MTRR: variants seen among roughly 807,000 people sequenced by gnomAD.
MTRR encodes the protein 5-methyltetrahydrofolate-homocysteine methyltransferase reductase.
In MTRR, 63 loss-of-function variants were observed where a neutral mutation model predicts 79.2. The ratio of observed to expected loss-of-function variants is 0.80; its 90% CI spans 0.65 to 0.98. The LOEUF (loss-of-function observed/expected upper bound fraction) is 0.98. MTRR is among the 50% of genes least tolerant of loss of function. MTRR has a pLI of 0.00. For synonymous variants in MTRR, 355 were observed against 313.3 expected (o/e 1.13, Z -1.41); for missense variants, 895 against 839.6 (o/e 1.07, Z -0.82).
At chr5:7,874,646 C>T (rs553235881) in intron 3 of MTRR, among the ~76,000 whole-genome samples, 10 of 143,330 alleles carry the variant, frequency 7.0e-5, no homozygotes, top group Admixed American at 2.9e-4. Flanking sequence ...TTGATTTCCC[C>T]AACACAGAAA....
chr5:7,895,577 A>G (rs576681065), intron 11 of MTRR, among the ~76,000 whole-genome samples, 157 bp from the exon 12 acceptor site: 1 of 152,212 alleles, frequency 6.6e-6, no homozygotes, highest in Non-Finnish European at 1.5e-5. Context: ...GTAGTGACAA[A>G]TGTGCTCATG....
In MTRR at chr5:7,861,029, G is replaced by A. The variant is rs535531423; in HGVS notation, n.392-922G>A. On this transcript the variant is annotated intron_variant and non_coding_transcript_variant, in intron 1 of 3. Coordinates refer to the MTRR transcript ENST00000502509. ...TGTGCTGTCCAGTTCAATAATTGCTGCCTGATCAAATTCTTTAAAATTTTA... is the reference window on the plus strand; with the variant it reads ...TGTGCTGTCCAGTTCAATAATTGCTACCTGATCAAATTCTTTAAAATTTTA... 91 of 619,164 alleles carry A rather than the reference G, an allele frequency of 1.5e-4. No individual in the cohort carries two copies. The highest frequency in any genetic ancestry group is 2.3e-4 in the Non-Finnish European group (80 of 350,234). 38.4% of individuals were successfully genotyped at this position (619,164 alleles called of 1,614,324 possible). A position where few individuals can be genotyped will look rare whatever the true frequency, so the allele number is the denominator to read the frequency against.
upstream of MTRR, chr5:7,865,820 G>T: frequency 1.8e-6 from 2 of 1,084,114 alleles, no homozygotes; most frequent in Non-Finnish European, 2.8e-6. Context: ...AGGTTATTGA[G>T]ACAGATCAGA....
chr5:7,863,907 A>G (rs548004813), intron 2 of MTRR, among the ~76,000 whole-genome samples: 60 of 152,198 alleles, frequency 3.9e-4, no homozygotes, highest in African/African-American at 1.3e-3. Flanking sequence ...CTGGAGTACA[A>G]TGACGCGACC....
chr5:7,890,512 G>C, intron 9 of MTRR: 2 of 682,790 alleles, frequency 2.9e-6, no homozygotes, highest in Non-Finnish European at 3.6e-6. Flanking sequence ...ATGTTAGAAT[G>C]TTTGTAACAA....
chr5:7,854,191 C>T (rs67488024), intron 1 of MTRR, among the ~76,000 whole-genome samples: 22,014 of 151,718 alleles, frequency 0.15, 2,014 homozygotes, highest in Admixed American at 0.25. Flanking sequence ...AGTTCTGTGC[C>T]GGAGAAGGGG....
intron 1 of MTRR, 73 bp from the exon 2 acceptor site, chr5:7,870,697 T>C (rs1747804272): frequency 6.6e-7 from 1 of 1,510,878 alleles, no homozygotes; most frequent in African/African-American, 1.4e-5. Context: ...TTCTTAAAGA[T>C]TGAGGGAGAA....
At chr5:7,877,063 C>G (rs1734686578) in intron 4 of MTRR, among the ~76,000 whole-genome samples, 1 of 152,194 alleles carries the variant, frequency 6.6e-6, no homozygotes, top group South Asian at 2.1e-4. Flanking sequence ...AGTGAAATGA[C>G]AACCTGAGTC....
upstream of MTRR, chr5:7,867,992 T>C (rs760533511): frequency 5.6e-6 from 9 of 1,613,870 alleles, no homozygotes; most frequent in African/African-American, 9.3e-5. Context: ...GTGAACATGA[T>C]TTAGAGGTTT....
At chr5:7,866,806 A>T (rs141358751), upstream of MTRR, 12 of 1,614,114 alleles carry the variant, frequency 7.4e-6, no homozygotes, top group African/African-American at 1.6e-4. Context: ...TAAATAAAGC[A>T]GAGGCATTTG....
chr5:7,894,118 G>A (rs1273109655), intron 11 of MTRR, among the ~76,000 whole-genome samples: 1 of 151,842 alleles, frequency 6.6e-6, no homozygotes, highest in Non-Finnish European at 1.5e-5. Flanking sequence ...CCCTCTCTTC[G>A]TCCTTCCTTC....
intron 1 of MTRR, among the ~76,000 whole-genome samples, chr5:7,854,860 G>C (rs531470016): frequency 1.3e-5 from 2 of 152,280 alleles, no homozygotes; most frequent in African/African-American, 2.4e-5. Flanking sequence ...CATCTAGCAC[G>C]GGAGAAAGAG....
At chr5:7,853,538 G>A (rs901607945) in intron 1 of MTRR, among the ~76,000 whole-genome samples, 5 of 152,198 alleles carry the variant, frequency 3.3e-5, no homozygotes, top group Non-Finnish European at 5.9e-5. Context: ...TATTTGGGAG[G>A]TAATTCCAGG....
At chr5:7,854,766 G>A (rs557962239) in intron 1 of MTRR, among the ~76,000 whole-genome samples, 17 of 152,156 alleles carry the variant, frequency 1.1e-4, no homozygotes, top group East Asian at 5.8e-4. Flanking sequence ...TCCTACAATC[G>A]GCCACCTGCA....
At chr5:7,878,608 C>T (rs1734978329) in intron 5 of MTRR, among the ~76,000 whole-genome samples, 1 of 152,260 alleles carries the variant, frequency 6.6e-6, no homozygotes, top group Admixed American at 6.5e-5. Context: ...AGTTTTCCCA[C>T]CCAGGTATTA....
At chr5:7,851,771 T>G (rs1008482417) in intron 1 of MTRR, among the ~76,000 whole-genome samples, 1 of 152,178 alleles carries the variant, frequency 6.6e-6, no homozygotes, top group Non-Finnish European at 1.5e-5. Flanking sequence ...TGTGTTTACG[T>G]TGGCCCTTGA....
chr5:7,878,469 AT>A, intron 5 of MTRR, 147 bp downstream of exon 5: 1 of 1,044,704 alleles, frequency 9.6e-7, no homozygotes, highest in Non-Finnish European at 1.4e-6. Context: ...TTGTAAATAG[AT>A]TTTACTGGAA....
upstream of MTRR, among the ~76,000 whole-genome samples, chr5:7,864,481 A>G (rs1746791117): frequency 6.6e-6 from 1 of 152,188 alleles, no homozygotes; most frequent in Non-Finnish European, 1.5e-5. Flanking sequence ...AAAAAGTAAT[A>G]AAAGAGTACA....
chr5:7,890,149 A>G, intron 9 of MTRR: 1 of 574,666 alleles, frequency 1.7e-6, no homozygotes, highest in Non-Finnish European at 2.2e-6. Flanking sequence ...TGACACCAAA[A>G]TGTATATTGT....
Sources: gnomAD v4.1 joint callset for allele counts (sites outside exome capture counted in the v4.1 genomes callset) on GRCh38, gnomAD v4.1.1 for gene constraint, MANE v1.5 for transcripts, NCBI Gene and HGNC (gene_info 2026-07-23, HGNC 2026-07-21) for gene names.